CPE: variants seen among roughly 807,000 people sequenced by gnomAD.
CPE encodes the protein carbocypeptidase E.
In CPE, 17 loss-of-function variants were observed where a neutral mutation model predicts 53.5. That is an observed-to-expected ratio of 0.32 (90% CI 0.22 to 0.48). The LOEUF (loss-of-function observed/expected upper bound fraction) is 0.48. CPE is among the 20% of genes least tolerant of loss of function. The pLI is 0.99. For synonymous variants in CPE, 226 were observed against 228.8 expected (o/e 0.99, Z 0.11); for missense variants, 524 against 614.7 (o/e 0.85, Z 1.56).
At chr4:165,453,730 C>T (rs921590293) in intron 1 of CPE, among the ~76,000 whole-genome samples, 11 of 152,062 alleles carry the variant, frequency 7.2e-5, no homozygotes, top group African/African-American at 2.2e-4. Context: ...ACTTCATGAA[C>T]GTCCTCTTGT....
At chr4:165,444,558 C>T (rs1313822438) in intron 1 of CPE, among the ~76,000 whole-genome samples, 3 of 152,072 alleles carry the variant, frequency 2.0e-5, no homozygotes, top group Admixed American at 1.3e-4. Flanking sequence ...TAGATCATTG[C>T]AGCATTGGAG....
At chr4:165,413,377 C>T (rs763253671) in intron 1 of CPE, among the ~76,000 whole-genome samples, 27 of 152,312 alleles carry the variant, frequency 1.8e-4, no homozygotes, top group Non-Finnish European at 2.8e-4. Flanking sequence ...CAGTACCCAG[C>T]ATGGTGACCC....
Position 165,478,901 on chromosome 4 carries a change from C to T in CPE, c.673-3341C>T, listed in dbSNP as rs193015801. ...TTACTACTCTTTTCTCTTTTCTTCT[C>T]CTACCCCAATTCGTCCCTGGACTTG... On this transcript the variant is annotated intron_variant, in intron 3 of 8. Coordinates refer to ENST00000402744, the MANE Select transcript of CPE (RefSeq NM_001873.4). Among the ~76,000 whole-genome samples the T allele has an allele frequency of 7.4e-3, 1,133 of 152,286 alleles. 12 individuals carry two copies. The highest frequency in any genetic ancestry group is 0.026 in the African/African-American group (1,069 of 41,548).
intron 3 of CPE, among the ~76,000 whole-genome samples, chr4:165,476,476 G>C (rs780164257): frequency 6.7e-6 from 1 of 148,662 alleles, no homozygotes; most frequent in Non-Finnish European, 1.5e-5. Context: ...TCATATACCA[G>C]TTAAACTCTG....
At chr4:165,495,491 A>T (rs7692951) in intron 7 of CPE, 68 bp from the exon 8 acceptor site, 7 of 1,032,476 alleles carry the variant, frequency 6.8e-6, no homozygotes, top group Non-Finnish European at 8.8e-6. Context: ...CTTAGATGGC[A>T]TAATTATGCA....
intron 1 of CPE, among the ~76,000 whole-genome samples, chr4:165,442,585 G>T (rs2126686463): frequency 6.6e-6 from 1 of 152,182 alleles, no homozygotes; most frequent in African/African-American, 2.4e-5. Flanking sequence ...CCCACATATA[G>T]CTATTTAAAT....
At chr4:165,386,953 A>C (rs1363424231) in intron 1 of CPE, among the ~76,000 whole-genome samples, 8 of 152,200 alleles carry the variant, frequency 5.3e-5, no homozygotes, top group Non-Finnish European at 7.3e-5. Flanking sequence ...GGTTTATCCG[A>C]GCTACGTGAT....
intron 1 of CPE, chr4:165,405,724 A>G (rs774036019): frequency 9.3e-6 from 8 of 858,274 alleles, no homozygotes; most frequent in Admixed American, 3.5e-5. Flanking sequence ...AACCAGTCCC[A>G]TTTTCTTTGC....
intron 3 of CPE, among the ~76,000 whole-genome samples, chr4:165,476,311 C>G (rs1303328324): frequency 6.6e-6 from 1 of 152,146 alleles, no homozygotes; most frequent in Non-Finnish European, 1.5e-5. Flanking sequence ...GGTTGTGTCC[C>G]TTTTCCCCTG....
intron 2 of CPE, among the ~76,000 whole-genome samples, chr4:165,466,803 A>G (rs1579274901): frequency 6.6e-6 from 1 of 152,204 alleles, no homozygotes; most frequent in East Asian, 1.9e-4. Context: ...GGCGTGAGCC[A>G]CTGCACCTGG....
At chr4:165,399,937 C>T (rs533597162) in intron 1 of CPE, among the ~76,000 whole-genome samples, 1 of 152,082 alleles carries the variant, frequency 6.6e-6, no homozygotes, top group East Asian at 1.9e-4. Context: ...GAGTGGGTTC[C>T]AAGATAATGT....
chr4:165,397,926 C>T (rs1730797348), intron 1 of CPE, among the ~76,000 whole-genome samples: 1 of 151,236 alleles, frequency 6.6e-6, no homozygotes, highest in Admixed American at 6.6e-5. Flanking sequence ...GTGGTACATG[C>T]CTATAGTCCT....
At chr4:165,467,916 A>G in intron 3 of CPE, 61 bp downstream of exon 3, 1 of 1,543,678 alleles carries the variant, frequency 6.5e-7, no homozygotes, top group South Asian at 1.2e-5. Flanking sequence ...ATGTTCCAAT[A>G]TCTTCATCAT....
chr4:165,484,598 C>G lies in CPE; in HGVS notation c.967C>G (p.Pro323Ala). 1 of 1,613,218 alleles carries G rather than the reference C, an allele frequency of 6.2e-7. No individual in the cohort carries two copies. Residue 323 changes from proline to alanine, a missense_variant, in exon 5 of 9, where the codon CCT becomes GCT. Coordinates refer to ENST00000402744, the MANE Select transcript of CPE (RefSeq NM_001873.4). ...CAACGGTGGTGCTTGGTACAGCGTA[C>G]CTGGAGGTGAGTTTCCATTGTGCTC... ...TTNGGAWYSV[P>A]GGMQDFNYLS...
chr4:165,417,329 A>G (rs1004673749), intron 1 of CPE, among the ~76,000 whole-genome samples: 11 of 152,358 alleles, frequency 7.2e-5, no homozygotes, highest in African/African-American at 2.6e-4. Context: ...GTATTATTGA[A>G]TTGCCTTTGA....
chr4:165,451,197 C>T (rs555994224), intron 1 of CPE, among the ~76,000 whole-genome samples: 126 of 152,256 alleles, frequency 8.3e-4, no homozygotes, highest in African/African-American at 2.9e-3. Context: ...TGAATCAGGC[C>T]GATGTTATTG....
chr4:165,495,750 G>A, intron 8 of CPE, 73 bp downstream of exon 8: 1 of 1,070,140 alleles, frequency 9.3e-7, no homozygotes. Context: ...ATACTGAAGT[G>A]ATTTATATTT....
chr4:165,461,126 C>T (rs764271590), intron 1 of CPE, among the ~76,000 whole-genome samples: 3 of 118,296 alleles, frequency 2.5e-5, no homozygotes, highest in Non-Finnish European at 5.4e-5. Context: ...ATGATTGTGC[C>T]ACTGCACTCT....
intron 1 of CPE, among the ~76,000 whole-genome samples, chr4:165,448,727 T>C (rs1367447097): frequency 1.3e-5 from 2 of 152,210 alleles, no homozygotes; most frequent in East Asian, 3.8e-4. Context: ...TGGGCTGCCT[T>C]ACTGTGTCAT....
Sources: allele counts gnomAD v4.1 joint callset (sites outside exome capture counted in the v4.1 genomes callset), GRCh38; gene constraint gnomAD v4.1.1; transcripts MANE v1.5; gene names NCBI Gene and HGNC (gene_info 2026-07-23, HGNC 2026-07-21).